The following CIMAP1C variants were observed in gnomAD, a reference collection of about 807,000 sequenced individuals.
CIMAP1C encodes ciliary microtubule associated protein 1C, also known as outer dense fiber of sperm tails 3 like 1.
the CIMAP1C span, among the ~76,000 whole-genome samples, chr15:75,726,349 G>A: frequency 6.6e-6 from 1 of 152,168 alleles, no homozygotes; most frequent in Non-Finnish European, 1.5e-5. Context: ...TGAAGTCAAT[G>A]TTATGACATG....
the CIMAP1C span, chr15:75,725,049 C>A: frequency 1.4e-5 from 16 of 1,153,756 alleles, no homozygotes; most frequent in Non-Finnish European, 1.8e-5. Context: ...TGTACTGGGG[C>A]TTCCCCTGCC....
the CIMAP1C span, chr15:75,727,372 C>A: frequency 1.2e-6 from 2 of 1,614,158 alleles, no homozygotes; most frequent in South Asian, 1.1e-5. Flanking sequence ...GCCCTACTTA[C>A]AGCATGGCCA....
chr15:75,724,176 GCTGCT>G, the CIMAP1C span: 1 of 1,536,320 alleles, frequency 6.5e-7, no homozygotes, highest in Non-Finnish European at 9.0e-7. Context: ...TGTAGCTGCT[GCTGCT>G]CCCTGCCCAG....
chr15:75,727,567 C>CA, the CIMAP1C span: 1 of 1,524,598 alleles, frequency 6.6e-7, no homozygotes, highest in Non-Finnish European at 8.8e-7. Flanking sequence ...CTCACTGCCC[C>CA]TCATCCCCAG....
chr15:75,727,139 A>G, the CIMAP1C span: 1 of 1,613,990 alleles, frequency 6.2e-7, no homozygotes, highest in South Asian at 1.1e-5. Context: ...TCCCCAGTAC[A>G]CGTTTGGCTA....
the CIMAP1C span, among the ~76,000 whole-genome samples, chr15:75,726,817 T>C: frequency 2.0e-5 from 3 of 152,128 alleles, no homozygotes; most frequent in Non-Finnish European, 4.4e-5. Context: ...GGTTTCACCA[T>C]GTTGGTCAGG....
the CIMAP1C span, chr15:75,727,079 T>A: frequency 1.2e-6 from 2 of 1,613,412 alleles, no homozygotes; most frequent in Admixed American, 3.3e-5. Flanking sequence ...CACCCTCGCA[T>A]CCTGCCAGTA....
At chr15:75,727,322 A>T in the CIMAP1C span, 1 of 1,614,082 alleles carries the variant, frequency 6.2e-7, no homozygotes, top group Non-Finnish European at 8.5e-7. Context: ...TGGACCTACC[A>T]CGTACGCCCG....
At chr15:75,726,131 C>A in the CIMAP1C span, 1 of 1,613,736 alleles carries the variant, frequency 6.2e-7, no homozygotes, top group Non-Finnish European at 8.5e-7. Context: ...GAATGTCCAG[C>A]TGCCCGCAGG....
the CIMAP1C span, chr15:75,724,093 C>T: frequency 3.5e-5 from 25 of 720,064 alleles, no homozygotes; most frequent in South Asian, 1.8e-4. Context: ...CAGCTTCCTC[C>T]GTGTCTGGGG....
At chr15:75,727,071 C>T in the CIMAP1C span, 2 of 1,612,956 alleles carry the variant, frequency 1.2e-6, no homozygotes, top group Non-Finnish European at 1.7e-6. Flanking sequence ...CTGAACCCCA[C>T]CCTCGCATCC....
At chr15:75,726,429 G>A in the CIMAP1C span, among the ~76,000 whole-genome samples, 1 of 152,168 alleles carries the variant, frequency 6.6e-6, no homozygotes, top group African/African-American at 2.4e-5. Flanking sequence ...TCATGCGAAC[G>A]AGCTCACAGA....
the CIMAP1C span, chr15:75,725,079 G>A: frequency 1.3e-6 from 2 of 1,534,838 alleles, no homozygotes; most frequent in South Asian, 2.2e-5. Context: ...GTGGGCCCAG[G>A]CTGAGGGCTG....
the CIMAP1C span, chr15:75,725,945 ACCC>A: frequency 1.5e-6 from 1 of 650,942 alleles, no homozygotes. Context: ...GTCCCCAAAC[ACCC>A]AGGAGCCACA....
the CIMAP1C span, chr15:75,727,136 T>C: frequency 1.2e-6 from 2 of 1,614,010 alleles, no homozygotes; most frequent in Non-Finnish European, 1.7e-6. Flanking sequence ...GGCTCCCCAG[T>C]ACACGTTTGG....
chr15:75,725,721 C>T, the CIMAP1C span, among the ~76,000 whole-genome samples: 3 of 152,180 alleles, frequency 2.0e-5, no homozygotes, highest in Admixed American at 1.3e-4. Context: ...GGAGAATACC[C>T]ACCTCAGCAA....
the CIMAP1C span, chr15:75,725,018 C>G: frequency 1.2e-6 from 1 of 817,166 alleles, no homozygotes; most frequent in Admixed American, 1.9e-5. Context: ...AACAAATACC[C>G]CCAATGTTCC....
At chr15:75,725,518 C>T in the CIMAP1C span, among the ~76,000 whole-genome samples, 1 of 152,220 alleles carries the variant, frequency 6.6e-6, no homozygotes. Flanking sequence ...GCTAGGGTCA[C>T]TTGCCATTGT....
At chr15:75,727,566 C>T in the CIMAP1C span, 1 of 1,525,768 alleles carries the variant, frequency 6.6e-7, no homozygotes, top group East Asian at 2.3e-5. Context: ...ACTCACTGCC[C>T]CTCATCCCCA....
Sources: allele counts gnomAD v4.1 joint callset (sites outside exome capture counted in the v4.1 genomes callset), GRCh38; gene constraint gnomAD v4.1.1; transcripts MANE v1.5; gene names NCBI Gene and HGNC (gene_info 2026-07-23, HGNC 2026-07-21).